The following IQGAP2 variants were observed in gnomAD, a reference collection of about 807,000 sequenced individuals.
The protein encoded by IQGAP2 is ras GTPase-activating-like protein IQGAP2.
Under a neutral mutation model 201.3 loss-of-function variants are expected in IQGAP2, and 173 were observed. The ratio of observed to expected loss-of-function variants is 0.86; its 90% CI spans 0.76 to 0.98. The LOEUF (loss-of-function observed/expected upper bound fraction) is 0.98. Ranked by LOEUF, IQGAP2 falls within the 50% of genes least tolerant of loss-of-function variation. The probability of loss-of-function intolerance (pLI) is 0.00; values close to 1 mark genes in which losing one functional copy is unlikely to be tolerated. For missense variants in IQGAP2, 1,687 were observed against 1,864.8 expected (o/e 0.90, Z 1.76); for synonymous variants, 675 against 673.9 (o/e 1.00, Z -0.03).
At chr5:76,639,280 T>C (rs1352328078) in intron 16 of IQGAP2, among the ~76,000 whole-genome samples, 3 of 152,216 alleles carry the variant, frequency 2.0e-5, no homozygotes, top group Non-Finnish European at 4.4e-5. Flanking sequence ...AACAGATTTA[T>C]TTCCAGTGCT....
chr5:76,523,951 A>C (rs1758831537), intron 2 of IQGAP2, among the ~76,000 whole-genome samples: 1 of 152,144 alleles, frequency 6.6e-6, no homozygotes, highest in African/African-American at 2.4e-5. Context: ...GCTAGATCCC[A>C]GGTGTCCATT....
At chr5:76,406,770 T>G (rs1168949609) in intron 1 of IQGAP2, among the ~76,000 whole-genome samples, 1 of 152,236 alleles carries the variant, frequency 6.6e-6, no homozygotes, top group Non-Finnish European at 1.5e-5. Context: ...CAATCAACAC[T>G]TAAGTGACTA....
chr5:76,702,152 A>G (rs573801440), intron 34 of IQGAP2, among the ~76,000 whole-genome samples: 1 of 152,350 alleles, frequency 6.6e-6, no homozygotes, highest in Admixed American at 6.5e-5. Flanking sequence ...TCAATTGGCT[A>G]TAGGTCAATA....
intron 13 of IQGAP2, among the ~76,000 whole-genome samples, chr5:76,619,311 G>A (rs1749355222): frequency 6.6e-6 from 1 of 152,088 alleles, no homozygotes; most frequent in Non-Finnish European, 1.5e-5. Context: ...ATTCCTGAAG[G>A]GCCTCTAAAC....
chr5:76,532,734 C>T (rs1759385017), intron 2 of IQGAP2, among the ~76,000 whole-genome samples: 1 of 152,168 alleles, frequency 6.6e-6, no homozygotes, highest in Non-Finnish European at 1.5e-5. Context: ...CCTGGACTGG[C>T]TCGTTCTTGT....
intron 2 of IQGAP2, among the ~76,000 whole-genome samples, chr5:76,555,554 T>C (rs1319335367): frequency 6.6e-6 from 1 of 152,192 alleles, no homozygotes; most frequent in Non-Finnish European, 1.5e-5. Flanking sequence ...TTTGTATTGG[T>C]GTGGCCAGGT....
At chr5:76,627,312 G>A in intron 13 of IQGAP2, 98 bp from the exon 14 acceptor site, 1 of 849,782 alleles carries the variant, frequency 1.2e-6, no homozygotes, top group East Asian at 2.5e-5. Context: ...TTAAGAATTT[G>A]TGGGAATTAT....
chr5:76,564,718 T>C (rs773348674), intron 3 of IQGAP2, among the ~76,000 whole-genome samples: 15 of 152,216 alleles, frequency 9.9e-5, no homozygotes, highest in Non-Finnish European at 1.9e-4. Context: ...AATAAAATAC[T>C]TGCGGGGCGT....
At chr5:76,698,541 T>A (rs766216001) in intron 33 of IQGAP2, among the ~76,000 whole-genome samples, 5 of 152,248 alleles carry the variant, frequency 3.3e-5, no homozygotes, top group Non-Finnish European at 7.3e-5. Flanking sequence ...TGTTTGCTAA[T>A]TGCACAGAGC....
intron 5 of IQGAP2, among the ~76,000 whole-genome samples, chr5:76,577,180 G>A (rs1745527118): frequency 6.6e-6 from 1 of 151,662 alleles, no homozygotes; most frequent in Non-Finnish European, 1.5e-5. Flanking sequence ...TAGACAACTG[G>A]GACATTCATG....
intron 27 of IQGAP2, among the ~76,000 whole-genome samples, chr5:76,675,687 G>A (rs954931199): frequency 6.6e-6 from 1 of 151,980 alleles, no homozygotes; most frequent in African/African-American, 2.4e-5. Flanking sequence ...ATCCTCACTT[G>A]GAAACTCATT....
intron 28 of IQGAP2, among the ~76,000 whole-genome samples, chr5:76,679,406 T>G (rs1745093810): frequency 6.6e-6 from 1 of 152,164 alleles, no homozygotes; most frequent in Non-Finnish European, 1.5e-5. Flanking sequence ...GTGGGGAAAT[T>G]GTGTAATTTC....
In IQGAP2 at chr5:76,574,884, C is replaced by T. The variant is rs188074376; in HGVS notation, c.382-809C>T. ...ATTAGAAGCAAAACAAATGTTCAACCATGGATTAACTGGCTAAGCTAGGGT... is the reference window on the plus strand; with the variant it reads ...ATTAGAAGCAAAACAAATGTTCAACTATGGATTAACTGGCTAAGCTAGGGT... On this transcript the variant is annotated intron_variant, in intron 4 of 35. Coordinates refer to ENST00000274364, the MANE Select transcript of IQGAP2 (RefSeq NM_006633.5). Among the ~76,000 whole-genome samples, 6 of 152,224 alleles carry T rather than the reference C, an allele frequency of 3.9e-5. No homozygotes were observed. The East Asian group carries it at 1.2e-3, about 29-fold the overall frequency.
intron 28 of IQGAP2, among the ~76,000 whole-genome samples, chr5:76,679,098 G>GT (rs1412111782): frequency 6.6e-6 from 1 of 152,184 alleles, no homozygotes; most frequent in African/African-American, 2.4e-5. Context: ...CCATTTGTCT[G>GT]TTTTTGTGGT....
At chr5:76,458,103 T>C (rs1754211284) in intron 1 of IQGAP2, among the ~76,000 whole-genome samples, 1 of 152,228 alleles carries the variant, frequency 6.6e-6, no homozygotes, top group Non-Finnish European at 1.5e-5. Flanking sequence ...CAGGAGGTAC[T>C]GGGCAAAGAA....
chr5:76,489,930 C>T (rs1271245369), intron 2 of IQGAP2, among the ~76,000 whole-genome samples: 1 of 152,198 alleles, frequency 6.6e-6, no homozygotes, highest in Non-Finnish European at 1.5e-5. Context: ...CTGCGGACTT[C>T]ACCACTCACA....
intron 19 of IQGAP2, 57 bp downstream of exon 19, chr5:76,654,328 T>A: frequency 9.2e-7 from 1 of 1,092,896 alleles, no homozygotes; most frequent in Non-Finnish European, 1.4e-6. Flanking sequence ...AATGAATGCT[T>A]TATTGAAAGT....
chr5:76,547,109 TCACTGTGCTATTA>T (rs1173742643), intron 2 of IQGAP2, among the ~76,000 whole-genome samples: 1 of 152,218 alleles, frequency 6.6e-6, no homozygotes, highest in East Asian at 1.9e-4. Flanking sequence ...GTTGAATTTT[TCACTGTGCTATTA>T]CTTCACACTA....
At chr5:76,644,454 C>T (rs1751868891) in intron 17 of IQGAP2, among the ~76,000 whole-genome samples, 1 of 151,820 alleles carries the variant, frequency 6.6e-6, no homozygotes, top group Non-Finnish European at 1.5e-5. Flanking sequence ...CATGCGCCAC[C>T]ACACCCAGCT....
Sources: allele counts gnomAD v4.1 joint callset (sites outside exome capture counted in the v4.1 genomes callset), GRCh38; gene constraint gnomAD v4.1.1; transcripts MANE v1.5; gene names NCBI Gene and HGNC (gene_info 2026-07-23, HGNC 2026-07-21).